The following EDIL3 variants were observed in gnomAD, a reference collection of about 807,000 sequenced individuals.
EDIL3 encodes the protein EGF-like repeat and discoidin I-like domain-containing protein 3.
Under a neutral mutation model 67.4 loss-of-function variants are expected in EDIL3, and 37 were observed. The observed-to-expected ratio is 0.55, with a 90% confidence interval of 0.42 to 0.72. The LOEUF is 0.72. Among genes scored for constraint, EDIL3 ranks in the 30% least tolerant of loss-of-function variants. The pLI is 0.00. For synonymous variants in EDIL3, 195 were observed against 196.3 expected (o/e 0.99, Z 0.05); for missense variants, 527 against 586.3 (o/e 0.90, Z 1.04).
intron 9 of EDIL3, among the ~76,000 whole-genome samples, chr5:84,006,910 A>G (rs2112175741): frequency 6.7e-6 from 1 of 149,436 alleles, no homozygotes; most frequent in Admixed American, 6.6e-5. Flanking sequence ...CACAGTAACC[A>G]CAACATCATG....
chr5:84,335,542 C>T (rs1746967337), intron 1 of EDIL3, among the ~76,000 whole-genome samples: 1 of 152,194 alleles, frequency 6.6e-6, no homozygotes, highest in African/African-American at 2.4e-5. Context: ...GAAGCAACTA[C>T]TTTAAGTCAT....
At chr5:83,985,086 C>A (rs964777593) in intron 9 of EDIL3, among the ~76,000 whole-genome samples, 10 of 151,846 alleles carry the variant, frequency 6.6e-5, no homozygotes, top group Non-Finnish European at 1.3e-4. Context: ...CCCATTCCAG[C>A]CTAAATAAAA....
chr5:84,106,827 C>T lies in EDIL3; in HGVS notation c.473G>A (p.Cys158Tyr). ...ACCTTCAATTCCCAGTGGGCCTGAG[C>T]ATTCTGGAAACAAAAACAGGAAAAA... ...EFMGRNCQYK[C>Y]SGPLGIEGGI... The change falls in exon 6 of 11, where the codon TGC becomes TAC. Residue 158 changes from cysteine to tyrosine, a missense_variant. Coordinates refer to ENST00000296591, the MANE Select transcript of EDIL3 (RefSeq NM_005711.5). The T allele has an allele frequency of 6.3e-7, 1 of 1,593,250 alleles. No homozygotes were observed.
intron 9 of EDIL3, among the ~76,000 whole-genome samples, chr5:83,987,869 G>GTATATATATATATATATATATATA (rs34360330): frequency 1.1e-4 from 15 of 138,414 alleles, no homozygotes; most frequent in African/African-American, 4.1e-4. Context: ...GTGTGTGTAT[G>GTATATATATATATATATATATATA]TATATATATA....
At chr5:84,160,120 C>A (rs1402491965) in intron 4 of EDIL3, among the ~76,000 whole-genome samples, 1 of 152,112 alleles carries the variant, frequency 6.6e-6, no homozygotes. Context: ...AACTACTACT[C>A]CTTCTTCAGA....
intron 1 of EDIL3, among the ~76,000 whole-genome samples, chr5:84,292,276 A>G (rs1489463992): frequency 6.6e-6 from 1 of 152,180 alleles, no homozygotes; most frequent in Non-Finnish European, 1.5e-5. Flanking sequence ...GGAAATATCA[A>G]TAACACTGAT....
At chr5:84,168,797 C>T (rs1748759119) in intron 4 of EDIL3, among the ~76,000 whole-genome samples, 1 of 152,222 alleles carries the variant, frequency 6.6e-6, no homozygotes, top group Middle Eastern at 3.2e-3. Flanking sequence ...CCCACCTGAA[C>T]CTATTCTTTG....
chr5:84,262,576 T>C (rs554247750), intron 1 of EDIL3, among the ~76,000 whole-genome samples: 9 of 150,052 alleles, frequency 6.0e-5, no homozygotes, highest in African/African-American at 2.0e-4. Flanking sequence ...CCTACAAACA[T>C]GTAATCCTTA....
Position 83,942,574 on chromosome 5 carries a change from CTG to C in EDIL3, c.*843_*844del, listed in dbSNP as rs1325550528. 1.3e-5 allele frequency: 2 copies of C among 151,854 alleles called. No individual in the cohort carries two copies. The highest frequency in any genetic ancestry group is 3.9e-4 in the East Asian group (2 of 5,174). 9.4% of individuals were successfully genotyped at this position (151,854 alleles called of 1,614,324 possible). A position where few individuals can be genotyped will look rare whatever the true frequency, so the allele number is the denominator to read the frequency against. On this transcript the variant is annotated 3_prime_UTR_variant, in exon 11 of 11. Coordinates refer to ENST00000296591, the MANE Select transcript of EDIL3 (RefSeq NM_005711.5). ...TATATTTTTTGTTCTTTTGTGCAAA[CTG>C]AGAGTATGGGATTCTTTATGAAGCA...
At chr5:84,239,451 A>T (rs988696227) in intron 2 of EDIL3, among the ~76,000 whole-genome samples, 6 of 151,438 alleles carry the variant, frequency 4.0e-5, no homozygotes, top group Non-Finnish European at 7.4e-5. Flanking sequence ...TTTTTTTTTT[A>T]ATTATATTTT....
rs73140577 is a variant in EDIL3, at chr5:84,216,970, G to T, written c.226+12885C>A. Reference sequence around the variant, plus strand: ...CATAGGCAGTAGACAGCTAGTTATCGCAAGACAAAAGCCCCTGAAGTTCAG... The same window carrying T: ...CATAGGCAGTAGACAGCTAGTTATCTCAAGACAAAAGCCCCTGAAGTTCAG... On this transcript the variant is annotated intron_variant, in intron 3 of 10. Coordinates refer to ENST00000296591, the MANE Select transcript of EDIL3 (RefSeq NM_005711.5). 7.6e-3 allele frequency among the ~76,000 whole-genome samples: 1,161 copies of T among 152,142 alleles called. 15 individuals carry two copies. Among genetic ancestry groups the T allele is most frequent in the African/African-American group, 0.027 (1,116 of 41,494 alleles).
chr5:84,298,486 A>T (rs1428849984), intron 1 of EDIL3, among the ~76,000 whole-genome samples: 1 of 152,148 alleles, frequency 6.6e-6, no homozygotes, highest in Non-Finnish European at 1.5e-5. Flanking sequence ...GAGGCTTGGC[A>T]GAGAGCATCA....
intron 1 of EDIL3, among the ~76,000 whole-genome samples, chr5:84,273,968 G>A (rs1745524999): frequency 1.3e-5 from 2 of 152,004 alleles, no homozygotes; most frequent in African/African-American, 2.4e-5. Context: ...TCAATATTCT[G>A]TCAAGATTTT....
intron 8 of EDIL3, among the ~76,000 whole-genome samples, chr5:84,061,261 G>A (rs1313620910): frequency 6.6e-6 from 1 of 152,058 alleles, no homozygotes; most frequent in African/African-American, 2.4e-5. Context: ...TCTACCACAT[G>A]TATTTTTGAG....
chr5:84,185,178 C>T (rs1749087627), intron 3 of EDIL3, among the ~76,000 whole-genome samples: 2 of 152,090 alleles, frequency 1.3e-5, no homozygotes, highest in Admixed American at 1.3e-4. Context: ...AAAGTCTATG[C>T]CCTTTCCATT....
intron 1 of EDIL3, among the ~76,000 whole-genome samples, chr5:84,341,290 C>G (rs1747110853): frequency 6.6e-6 from 1 of 152,016 alleles, no homozygotes; most frequent in South Asian, 2.1e-4. Flanking sequence ...ACTGAATGAG[C>G]TCCTACTGTG....
chr5:83,985,600 T>C (rs1561394201), intron 9 of EDIL3, among the ~76,000 whole-genome samples: 1 of 151,978 alleles, frequency 6.6e-6, no homozygotes, highest in African/African-American at 2.4e-5. Context: ...GAAATCAAAT[T>C]TGGGTACAAA....
chr5:84,021,390 G>A (rs546283339), intron 9 of EDIL3, among the ~76,000 whole-genome samples: 9 of 151,816 alleles, frequency 5.9e-5, no homozygotes, highest in Admixed American at 1.3e-4. Context: ...TGCTTTTGCC[G>A]TATCTCACAC....
intron 9 of EDIL3, among the ~76,000 whole-genome samples, chr5:84,044,704 A>G (rs1746189697): frequency 6.6e-6 from 1 of 152,182 alleles, no homozygotes; most frequent in African/African-American, 2.4e-5. Context: ...CTAGGAACCA[A>G]GAGCTCTGCG....
Sources: gnomAD v4.1 joint callset for allele counts (sites outside exome capture counted in the v4.1 genomes callset) on GRCh38, gnomAD v4.1.1 for gene constraint, MANE v1.5 for transcripts, NCBI Gene and HGNC (gene_info 2026-07-23, HGNC 2026-07-21) for gene names.